Variants in TCERG1L observed in about 807,000 individuals in gnomAD.
TCERG1L encodes transcription elongation regulator 1 like, also known as transcription elongation regulator 1-like protein.
A neutral mutation model predicts 56.3 loss-of-function variants in TCERG1L; 37 were observed. The ratio of observed to expected loss-of-function variants is 0.66; its 90% CI spans 0.51 to 0.87. TCERG1L has a LOEUF of 0.87. Ranked by LOEUF, TCERG1L falls within the 40% of genes least tolerant of loss-of-function variation. The pLI is 0.00. For synonymous variants in TCERG1L, 324 were observed against 326.3 expected (o/e 0.99, Z 0.08); for missense variants, 799 against 774.2 (o/e 1.03, Z -0.38).
At chr10:131,300,337 T>C (rs556912510) in intron 3 of TCERG1L, among the ~76,000 whole-genome samples, 1 of 152,186 alleles carries the variant, frequency 6.6e-6, no homozygotes, top group Non-Finnish European at 1.5e-5. Flanking sequence ...TTCTACGTAT[T>C]CTCTCCTTGC....
chr10:131,311,425 C>A lies in TCERG1L; in HGVS notation c.211G>T (p.Ala71Ser). 5 of 1,176,942 alleles carry A rather than the reference C, an allele frequency of 4.2e-6. No homozygotes were observed. The highest frequency in any genetic ancestry group is 5.2e-6 in the Non-Finnish European group (5 of 954,404). 72.9% of individuals were successfully genotyped at this position (1,176,942 alleles called of 1,614,324 possible). ...VLLASAPPPA[A>S]PLLPGLPGWP... ...CCGGGGAGACCGGGGAGCAGCGGGG[C>A]CGCGGGCGGCGGGGCCGAGGCGAGC... The change falls in exon 1 of 12, where the codon GCC (alanine) becomes TCC (serine). Residue 71 changes from alanine to serine, a missense_variant. Ala to Ser is a moderately conservative substitution (Grantham distance 99). Coordinates refer to ENST00000368642, the MANE Select transcript of TCERG1L (RefSeq NM_174937.4). This position sits in a 1 kb window ranked among gnomAD's most constrained non-coding sequence, Gnocchi z 4.0.
chr10:131,256,994 A>AAGGAAGGAAGGAAGGAAGGAAGGAAGGG (rs1554897149), intron 4 of TCERG1L, among the ~76,000 whole-genome samples: 1 of 69,080 alleles, frequency 1.4e-5, no homozygotes, highest in African/African-American at 5.4e-5. Context: ...GGAAGGAAGG[A>AAGGAAGGAAGGAAGGAAGGAAGGAAGGG]AAGAAAGAAA....
intron 4 of TCERG1L, among the ~76,000 whole-genome samples, chr10:131,227,252 C>G (rs1845800285): frequency 6.6e-6 from 1 of 152,256 alleles, no homozygotes; most frequent in African/African-American, 2.4e-5. Flanking sequence ...TGGGAGGCCC[C>G]CAGCTCTATG....
intron 3 of TCERG1L, among the ~76,000 whole-genome samples, chr10:131,273,091 C>T (rs1246646966): frequency 2.6e-5 from 4 of 152,272 alleles, no homozygotes; most frequent in Admixed American, 2.0e-4. Flanking sequence ...CCCTCAGGCC[C>T]GGGGCGCCTC....
At chr10:131,127,548 GGCCCTAAACACAGACT>G (rs1265781738) in intron 8 of TCERG1L, among the ~76,000 whole-genome samples, 1 of 152,146 alleles carries the variant, frequency 6.6e-6, no homozygotes, top group African/African-American at 2.4e-5. Flanking sequence ...GATAAAACTG[GGCCCTAAACACAGACT>G]GGTGAGCTCA....
chr10:131,184,030 TTC>T (rs1178923290), intron 4 of TCERG1L, among the ~76,000 whole-genome samples: 1 of 152,132 alleles, frequency 6.6e-6, no homozygotes, highest in Non-Finnish European at 1.5e-5. Flanking sequence ...ACCCACCATA[TTC>T]TCTGTCACTG....
intron 3 of TCERG1L, among the ~76,000 whole-genome samples, chr10:131,292,132 A>G (rs578021103): frequency 1.3e-5 from 2 of 152,342 alleles, no homozygotes; most frequent in East Asian, 3.9e-4. Context: ...AACTTCCTGA[A>G]AACAGTTTCA....
At chr10:131,165,970 T>C (rs1288835454) in intron 5 of TCERG1L, among the ~76,000 whole-genome samples, 1 of 152,256 alleles carries the variant, frequency 6.6e-6, no homozygotes, top group African/African-American at 2.4e-5. Flanking sequence ...TATGTCATTC[T>C]GGCCTGGATG....
At chr10:131,177,852 C>T (rs1235976384) in intron 4 of TCERG1L, among the ~76,000 whole-genome samples, 2 of 151,286 alleles carry the variant, frequency 1.3e-5, no homozygotes, top group African/African-American at 4.9e-5. Context: ...TCTAGATCCA[C>T]AATCCAGCTT....
At chr10:131,257,791 T>G (rs545080199) in intron 4 of TCERG1L, among the ~76,000 whole-genome samples, 1 of 152,218 alleles carries the variant, frequency 6.6e-6, no homozygotes, top group Middle Eastern at 3.2e-3. Context: ...GGTTGCAGAA[T>G]TGTCTCCAGT....
At position 131,148,951 on chromosome 10, in the gene TCERG1L, C is replaced by T. The variant is rs190297904; in HGVS notation, c.1035-2291G>A. Among the ~76,000 whole-genome samples, 364 of 152,332 alleles carry T rather than the reference C, an allele frequency of 2.4e-3. 2 individuals carry two copies. The South Asian group carries it at 0.028, about 12-fold the overall frequency. On this transcript the variant is annotated intron_variant, in intron 6 of 11. Transcript: ENST00000368642. Reference sequence around the variant, plus strand: ...CATCTGGGAGCCCTGACCTGAACCCCAAGTGTTGTGCCTGGAGGCCTTGGC... The same window carrying T: ...CATCTGGGAGCCCTGACCTGAACCCTAAGTGTTGTGCCTGGAGGCCTTGGC...
rs976171566 is a variant in TCERG1L at position 131,308,463 on chromosome 10, T to C, written c.490-72A>G. The C allele has an allele frequency of 4.5e-6, 6 of 1,327,302 alleles. No homozygotes were observed. The South Asian group carries it at 7.9e-5, about 17-fold the overall frequency. The allele number at this position is 1,327,302 out of a possible 1,614,324, so 82.2% of individuals were successfully genotyped here. ...TAAAAGCTGAGCATGACCATGAAAA[T>C]ATTTGTGTTGCCTTACGTTGATCCA... is the stretch of plus-strand genomic sequence containing the variant. On this transcript the variant is annotated intron_variant, in intron 2 of 11. Transcript: ENST00000368642.
intron 4 of TCERG1L, among the ~76,000 whole-genome samples, chr10:131,187,585 C>T (rs926628569): frequency 5.3e-5 from 8 of 152,188 alleles, no homozygotes; most frequent in African/African-American, 1.9e-4. Flanking sequence ...TCTTGCATTT[C>T]ATTCTTAAGA....
intron 8 of TCERG1L, among the ~76,000 whole-genome samples, chr10:131,125,771 G>A (rs1845559529): frequency 6.6e-6 from 1 of 152,188 alleles, no homozygotes; most frequent in Non-Finnish European, 1.5e-5. Context: ...TCCCCAGGAT[G>A]GATCATGGCC....
At chr10:131,123,657 G>A (rs964218110) in intron 8 of TCERG1L, among the ~76,000 whole-genome samples, 12 of 152,054 alleles carry the variant, frequency 7.9e-5, no homozygotes, top group African/African-American at 2.2e-4. Context: ...CCTGGCCTCC[G>A]ACTGCCCTGA....
chr10:131,226,495 G>C (rs900392920), intron 4 of TCERG1L, among the ~76,000 whole-genome samples: 3 of 152,190 alleles, frequency 2.0e-5, no homozygotes, highest in African/African-American at 7.2e-5. Context: ...GGAAATGATT[G>C]AGTTTTCATG....
At chr10:131,218,714 A>T (rs1845700316) in intron 4 of TCERG1L, among the ~76,000 whole-genome samples, 1 of 152,132 alleles carries the variant, frequency 6.6e-6, no homozygotes, top group Non-Finnish European at 1.5e-5. Context: ...GCCACCGGGA[A>T]TCATCTCAAA....
chr10:131,219,512 T>C (rs139828738), intron 4 of TCERG1L, among the ~76,000 whole-genome samples: 3 of 152,138 alleles, frequency 2.0e-5, no homozygotes, highest in African/African-American at 4.8e-5. Flanking sequence ...GCTCAATACA[T>C]ACTTGCAGGA....
chr10:131,135,599 G>A (rs1022051188), intron 7 of TCERG1L, among the ~76,000 whole-genome samples: 3 of 152,206 alleles, frequency 2.0e-5, no homozygotes, highest in African/African-American at 4.8e-5. Flanking sequence ...GAGAGGGTCA[G>A]GCTCTGGAAG....
Sources: allele counts gnomAD v4.1 joint callset (sites outside exome capture counted in the v4.1 genomes callset), GRCh38; gene constraint gnomAD v4.1.1; non-coding constraint Gnocchi (gnomAD v3.1); transcripts MANE v1.5; gene names NCBI Gene and HGNC (gene_info 2026-07-23, HGNC 2026-07-21).